FAM161B: variants seen among roughly 807,000 people sequenced by gnomAD.
FAM161B encodes protein FAM161B.
A neutral mutation model predicts 61.5 loss-of-function variants in FAM161B; 46 were observed. That is an observed-to-expected ratio of 0.75 (90% CI 0.59 to 0.96). The LOEUF (loss-of-function observed/expected upper bound fraction) is 0.96. FAM161B is among the 40% of genes least tolerant of loss of function. The pLI is 0.00. For synonymous variants in FAM161B, 284 were observed against 302.7 expected, an observed-to-expected ratio of 0.94 and a Z score of 0.64; for missense variants, 774 against 800.7, an observed-to-expected ratio of 0.97 and a Z score of 0.40.
Position 73,944,750 on chromosome 14 carries a change from A to C in FAM161B, c.510T>G (p.Thr170=). 1 of 1,595,850 alleles carries C rather than the reference A, an allele frequency of 6.3e-7. No homozygotes were observed. The highest frequency in any genetic ancestry group is 1.3e-5 in the African/African-American group (1 of 74,682). ...GCGTCATGCGGAATGGCCGAGGGAC[A>C]GTAATGGATGATGCCCAGGAGCTGA... ...RSVSSWASSI[T]VPRPFRMTLR... is the part of the protein sequence containing the mutation. Residue 170 remains threonine (T), a synonymous_variant, in exon 3 of 9, where the codon ACT becomes ACG. Coordinates refer to ENST00000286544, the MANE Select transcript of FAM161B (RefSeq NM_152445.3).
At chr14:73,927,089 ATTTT>A (rs113156661), downstream of FAM161B, 1 of 151,326 alleles carries the variant, frequency 6.6e-6, no homozygotes. Flanking sequence ...GTTTATTATG[ATTTT>A]TTTTTTTTTT....
rs1029433287 is a variant in FAM161B, at chr14:73,944,741, C to T, written c.519G>A (p.Arg173=). The change falls in exon 3 of 9, where the codon CGG becomes CGA. Residue 173 remains arginine (R), a synonymous_variant. Coordinates refer to ENST00000286544, the MANE Select transcript of FAM161B (RefSeq NM_152445.3). ...CCTCGCGCAGCGTCATGCGGAATGGCCGAGGGACAGTAATGGATGATGCCC... is the reference window on the plus strand; with the variant it reads ...CCTCGCGCAGCGTCATGCGGAATGGTCGAGGGACAGTAATGGATGATGCCC... ...SSWASSITVP[R]PFRMTLREAR... 6.3e-7 allele frequency: 1 copy of T among 1,599,220 alleles called. No individual in the cohort carries two copies. The highest frequency in any genetic ancestry group is 1.3e-5 in the African/African-American group (1 of 74,784).
In FAM161B at chr14:73,932,458, T is replaced by G. The variant is rs1390725289; in HGVS notation, c.*1798A>C. On this transcript the variant is annotated 3_prime_UTR_variant, in exon 9 of 9. Transcript: ENST00000286544. ...TTAAGCCCAGGTGATAGTTACTCTG[T>G]CACCACCAAAAAAGACGCATCTGAG... 2.2e-6 allele frequency: 1 copy of G among 455,164 alleles called. No homozygotes were observed. The highest frequency in any genetic ancestry group is 4.4e-6 in the Non-Finnish European group (1 of 226,658). 28.2% of individuals were successfully genotyped at this position (455,164 alleles called of 1,614,324 possible). A position where few individuals can be genotyped will look rare whatever the true frequency, so the allele number is the denominator to read the frequency against.
downstream of FAM161B, among the ~76,000 whole-genome samples, chr14:73,930,784 A>G (rs1311647648): frequency 2.0e-5 from 3 of 151,896 alleles, no homozygotes; most frequent in African/African-American, 7.3e-5. Flanking sequence ...ATTTTCTTGT[A>G]GAGACAGGGC....
At chr14:73,940,890 A>C in intron 5 of FAM161B, 36 bp downstream of exon 5, 1 of 1,571,046 alleles carries the variant, frequency 6.4e-7, no homozygotes, top group Non-Finnish European at 8.6e-7. Flanking sequence ...TGGGGCCAGA[A>C]TCAGAGCATG....
chr14:73,923,567 G>C, the FAM161B span: 2 of 1,577,988 alleles, frequency 1.3e-6, no homozygotes, highest in Admixed American at 3.6e-5. Context: ...ATTCATGTGG[G>C]GAATGATTGA....
At chr14:73,923,810 G>A in the FAM161B span, among the ~76,000 whole-genome samples, 1 of 152,058 alleles carries the variant, frequency 6.6e-6, no homozygotes, top group African/African-American at 2.4e-5. Context: ...ACATGATACA[G>A]CTTTTATTTT....
intron 1 of FAM161B, among the ~76,000 whole-genome samples, chr14:73,947,592 T>G (rs2056077855): frequency 6.6e-6 from 1 of 152,090 alleles, no homozygotes; most frequent in African/African-American, 2.4e-5. Context: ...AAGCTTACAC[T>G]GTAGTAAGAG....
Position 73,946,324 on chromosome 14 carries a change from G to T in FAM161B, c.336C>A (p.Asp112Glu), listed in dbSNP as rs758183388. The T allele has an allele frequency of 1.9e-6, 3 of 1,614,132 alleles. No homozygotes were observed. The South Asian group carries it at 3.3e-5, about 18-fold the overall frequency. Residue 112 changes from aspartate to glutamate, a missense_variant, in exon 2 of 9, where the codon GAC (aspartate) becomes GAA (glutamate). Physicochemically the swap from Asp to Glu is conservative, Grantham distance 45. Coordinates refer to ENST00000286544, the MANE Select transcript of FAM161B (RefSeq NM_152445.3). Reference sequence around the variant, plus strand: ...GGCACTGGACCTGCACCATCCCCCTGTCCTTGTCTTGGAAGAAACTCTCCA... The same window carrying T: ...GGCACTGGACCTGCACCATCCCCCTTTCCTTGTCTTGGAAGAAACTCTCCA... ...EDLESFFQDKDRGMVQVQCPQ... is the reference protein window; with the variant it reads ...EDLESFFQDKERGMVQVQCPQ...
intron 7 of FAM161B, among the ~76,000 whole-genome samples, chr14:73,937,359 C>T (rs576281657): frequency 2.3e-4 from 35 of 152,160 alleles, no homozygotes; most frequent in Non-Finnish European, 5.0e-4. Flanking sequence ...TGGTAGACTA[C>T]AGTGAAAGCT....
At chr14:73,947,708 C>T (rs1251020969) in intron 1 of FAM161B, among the ~76,000 whole-genome samples, 2 of 152,024 alleles carry the variant, frequency 1.3e-5, no homozygotes, top group African/African-American at 2.4e-5. Context: ...TGATAAAGTC[C>T]ATCAGATTAA....
chr14:73,944,628 T>C lies in FAM161B; in HGVS notation c.632A>G (p.Glu211Gly). The part of the protein sequence containing the change: ...RAQRQGEEEA[E>G]CHRQFRAQPV... ...CTGTGCCCGGAACTGCCTGTGGCAC[T>C]CGGCCTCTTCCTCACCCTGCCTCTG... The change falls in exon 3 of 9, where the codon GAG becomes GGG. Residue 211 changes from glutamate (E) to glycine (G), a missense_variant. Glu to Gly is a moderately conservative substitution (Grantham distance 98). Coordinates refer to ENST00000286544, the MANE Select transcript of FAM161B (RefSeq NM_152445.3). 6.2e-7 allele frequency: 1 copy of C among 1,613,954 alleles called. No homozygotes were observed. Among genetic ancestry groups the C allele is most frequent in the Non-Finnish European group, 8.5e-7 (1 of 1,179,976 alleles).
At chr14:73,943,242 G>A (rs922204460) in intron 3 of FAM161B, among the ~76,000 whole-genome samples, 2 of 152,048 alleles carry the variant, frequency 1.3e-5, no homozygotes, top group African/African-American at 4.8e-5. Context: ...GTCCATCCTC[G>A]TTTTTTCATC....
intron 8 of FAM161B, among the ~76,000 whole-genome samples, chr14:73,935,215 C>T (rs909133382): frequency 6.6e-6 from 1 of 151,930 alleles, no homozygotes; most frequent in African/African-American, 2.4e-5. Context: ...TATTTTCTCC[C>T]TTTGACTCAA....
downstream of FAM161B, chr14:73,931,710 T>C: frequency 1.6e-6 from 1 of 641,188 alleles, no homozygotes; most frequent in Non-Finnish European, 2.8e-6. Flanking sequence ...GTAGGAGAGC[T>C]TCTTTTCTAA....
chr14:73,939,723 A>G (rs900874398), intron 5 of FAM161B, among the ~76,000 whole-genome samples: 2 of 152,260 alleles, frequency 1.3e-5, no homozygotes, highest in African/African-American at 2.4e-5. Flanking sequence ...TTCAACTTGT[A>G]GCACTTAGTT....
chr14:73,944,204 G>C (rs766983708), intron 3 of FAM161B, 131 bp downstream of exon 3: 4 of 1,417,694 alleles, frequency 2.8e-6, no homozygotes, highest in South Asian at 1.4e-5. Context: ...TGCACTAAGC[G>C]TGCAGCCTCT....
chr14:73,945,353 T>G (rs2056057468), intron 2 of FAM161B, among the ~76,000 whole-genome samples: 1 of 152,250 alleles, frequency 6.6e-6, no homozygotes, highest in South Asian at 2.1e-4. Flanking sequence ...TTTCTAAGGC[T>G]TGACCAAGAT....
rs547039179 is a variant in FAM161B, at chr14:73,950,052, C to CAGTGACAGCGAT, written c.-38_-27dup. On this transcript the variant is annotated 5_prime_UTR_variant, in exon 1 of 9. Transcript: ENST00000286544. ...TTCAGCTGGACAGAGGCAGCAGCGA[C>CAGTGACAGCGAT]AGTGACAGCGATAGTGGCAGCAGCG... The CAGTGACAGCGAT allele has an allele frequency of 5.9e-4, 956 of 1,610,690 alleles. 4 individuals carry two copies. The highest frequency in any genetic ancestry group is 3.3e-3 in the Middle Eastern group (20 of 6,062).
Sources: allele counts gnomAD v4.1 joint callset (sites outside exome capture counted in the v4.1 genomes callset), GRCh38; gene constraint gnomAD v4.1.1; transcripts MANE v1.5; gene names NCBI Gene and HGNC (gene_info 2026-07-23, HGNC 2026-07-21).